The following CAST variants were observed in gnomAD, a reference collection of about 807,000 sequenced individuals.
CAST encodes calpastatin.
A neutral mutation model predicts 119.6 loss-of-function variants in CAST; 76 were observed. That is an observed-to-expected ratio of 0.64 (90% confidence interval 0.53 to 0.77). The LOEUF is 0.77. Among genes scored for constraint, CAST ranks in the 30% least tolerant of loss-of-function variants. The pLI is 0.00. For synonymous variants in CAST, 319 were observed against 331.6 expected, an observed-to-expected ratio of 0.96 and a Z score of 0.41; for missense variants, 953 against 946.5, an observed-to-expected ratio of 1.01 and a Z score of -0.09.
rs929812272 is a variant in CAST at position 96,533,673 on chromosome 5, A to C, written c.60+3793A>C. 1.2e-3 allele frequency among the ~76,000 whole-genome samples: 188 copies of C among 152,320 alleles called. 2 individuals are homozygous for C. Among genetic ancestry groups the C allele is most frequent in the Non-Finnish European group, 4.6e-4 (31 of 68,026 alleles). ...CGGCCATGCACTTCCATAGAAAAAA[A>C]CAAAATGCCACTTTTCATTCAGATG... On this transcript the variant is annotated intron_variant, in intron 1 of 11. Coordinates refer to the CAST transcript ENST00000505143.
chr5:96,367,630 G>A, the CAST span, among the ~76,000 whole-genome samples: 4 of 152,086 alleles, frequency 2.6e-5, no homozygotes, highest in East Asian at 3.9e-4. Context: ...TGCCAGGCGC[G>A]GGATATAATC....
chr5:96,558,628 G>A (rs1456448463), intron 1 of CAST, among the ~76,000 whole-genome samples: 3 of 152,094 alleles, frequency 2.0e-5, no homozygotes, highest in South Asian at 2.1e-4. Flanking sequence ...TAAATTCCTC[G>A]ACACATACAC....
chr5:96,003,354 C>G, the CAST span, among the ~76,000 whole-genome samples: 4 of 152,018 alleles, frequency 2.6e-5, no homozygotes, highest in Admixed American at 2.6e-4. Context: ...CTGGCTAACA[C>G]GGTGAAACCC....
At chr5:96,229,606 A>G in the CAST span, among the ~76,000 whole-genome samples, 1 of 152,146 alleles carries the variant, frequency 6.6e-6, no homozygotes. Flanking sequence ...AGTGAATTCT[A>G]AATTTAGTGA....
chr5:96,663,013 T>A (rs1561447627), intron 1 of CAST: 2 of 681,178 alleles, frequency 2.9e-6, no homozygotes, highest in South Asian at 3.2e-5. Context: ...CGCCTTGGGA[T>A]GTGCGGAGCT....
chr5:96,634,874 T>C (rs111683767), intron 1 of CAST, among the ~76,000 whole-genome samples: 16 of 152,336 alleles, frequency 1.1e-4, no homozygotes, highest in African/African-American at 3.6e-4. Context: ...ACTGTGCGAT[T>C]TGGGAGATTC....
the CAST span, chr5:96,425,929 A>G: frequency 6.3e-6 from 10 of 1,585,024 alleles, no homozygotes. Flanking sequence ...AGCCCATATC[A>G]CCTACAAGGA....
the CAST span, among the ~76,000 whole-genome samples, chr5:96,071,160 A>G: frequency 1.3e-5 from 2 of 151,876 alleles, no homozygotes; most frequent in African/African-American, 4.8e-5. Flanking sequence ...TCACCAATAT[A>G]CAACATTCAT....
At chr5:95,983,775 GA>G in the CAST span, among the ~76,000 whole-genome samples, 1 of 152,134 alleles carries the variant, frequency 6.6e-6, no homozygotes. Flanking sequence ...TGCACCTGGG[GA>G]TAATGCATTA....
the CAST span, among the ~76,000 whole-genome samples, chr5:96,166,886 GA>G: frequency 2.0e-5 from 3 of 152,128 alleles, no homozygotes; most frequent in African/African-American, 7.2e-5. Flanking sequence ...TTGGGGTGGT[GA>G]AAATGTTTGG....
At chr5:96,240,383 G>A in the CAST span, among the ~76,000 whole-genome samples, 2 of 152,086 alleles carry the variant, frequency 1.3e-5, no homozygotes, top group Non-Finnish European at 2.9e-5. Context: ...CTCCATGTTT[G>A]GTGAAGCTGC....
intron 1 of CAST, among the ~76,000 whole-genome samples, chr5:96,647,093 G>A (rs556805308): frequency 6.6e-6 from 1 of 152,208 alleles, no homozygotes; most frequent in Non-Finnish European, 1.5e-5. Flanking sequence ...GCATGTTTGT[G>A]ATGGAGTTAG....
At chr5:96,550,284 G>A (rs1486858066) in intron 1 of CAST, among the ~76,000 whole-genome samples, 1 of 152,202 alleles carries the variant, frequency 6.6e-6, no homozygotes, top group Non-Finnish European at 1.5e-5. Context: ...GTCTGGAGTG[G>A]ACCTCCAGCA....
the CAST span, chr5:96,425,906 C>G: frequency 6.2e-7 from 1 of 1,611,064 alleles, no homozygotes; most frequent in African/African-American, 1.3e-5. Flanking sequence ...CTTTCTTTTT[C>G]ATACTGTTGT....
At chr5:96,259,841 C>T in the CAST span, among the ~76,000 whole-genome samples, 4 of 149,696 alleles carry the variant, frequency 2.7e-5, no homozygotes, top group African/African-American at 4.9e-5. Flanking sequence ...TTCAATTGAG[C>T]GATGAAGACC....
At chr5:96,092,074 A>C in the CAST span, among the ~76,000 whole-genome samples, 1 of 152,216 alleles carries the variant, frequency 6.6e-6, no homozygotes, top group African/African-American at 2.4e-5. Flanking sequence ...GCAGAATCAC[A>C]CTGTGACTAA....
chr5:96,462,890 C>A, the CAST span, among the ~76,000 whole-genome samples: 4,730 of 152,144 alleles, frequency 0.031, 216 homozygotes, highest in African/African-American at 0.1. Context: ...CTCTTCCCTG[C>A]TGTCTTGTGA....
At chr5:96,168,160 A>AG in the CAST span, among the ~76,000 whole-genome samples, 2 of 152,138 alleles carry the variant, frequency 1.3e-5, no homozygotes, top group Non-Finnish European at 2.9e-5. Context: ...GTGGGGGAGT[A>AG]GGTGGGAGTG....
the CAST span, among the ~76,000 whole-genome samples, chr5:96,113,354 T>C: frequency 2.0e-5 from 3 of 152,212 alleles, no homozygotes; most frequent in Non-Finnish European, 4.4e-5. Context: ...TTAATTTATC[T>C]GAATTAAGTG....
Sources: allele counts gnomAD v4.1 joint callset (sites outside exome capture counted in the v4.1 genomes callset), GRCh38; gene constraint gnomAD v4.1.1; transcripts MANE v1.5; gene names NCBI Gene and HGNC (gene_info 2026-07-23, HGNC 2026-07-21).